PSMD1: variants seen among roughly 807,000 people sequenced by gnomAD.
PSMD1 encodes the protein 26S proteasome non-ATPase regulatory subunit 1.
A neutral mutation model predicts 119.0 loss-of-function variants in PSMD1; 18 were observed. The observed-to-expected ratio is 0.15, with a 90% CI of 0.10 to 0.22. The LOEUF (loss-of-function observed/expected upper bound fraction) is 0.22, where lower values mean the gene tolerates loss of function less well. Among genes scored for constraint, PSMD1 ranks in the 10% least tolerant of loss-of-function variants. The pLI is 1.00. For missense variants in PSMD1, 702 were observed against 1,158.5 expected (o/e 0.61, Z 5.72); for synonymous variants, 374 against 396.6 (o/e 0.94, Z 0.68).
intron 5 of PSMD1, among the ~76,000 whole-genome samples, chr2:231,068,559 G>A (rs1326354294): frequency 6.6e-6 from 1 of 151,998 alleles, no homozygotes; most frequent in African/African-American, 2.4e-5. Context: ...AGAAAATTCC[G>A]GAAATAAACA....
At chr2:231,143,659 T>C (rs1351451773) in intron 17 of PSMD1, among the ~76,000 whole-genome samples, 2 of 152,248 alleles carry the variant, frequency 1.3e-5, no homozygotes, top group Non-Finnish European at 2.9e-5. Context: ...GAGTGGTTTA[T>C]AATAAGGCAT....
At chr2:231,105,200 G>C (rs138798344) in intron 16 of PSMD1, among the ~76,000 whole-genome samples, 1 of 152,108 alleles carries the variant, frequency 6.6e-6, no homozygotes, top group African/African-American at 2.4e-5. Context: ...TGTTCATAAT[G>C]CTTGTAAATA....
chr2:231,072,182 A>C lies in PSMD1; in HGVS notation c.655-7A>C. 2 of 1,599,028 alleles carry C rather than the reference A, an allele frequency of 1.3e-6. No homozygotes were observed. The highest frequency in any genetic ancestry group is 1.7e-6 in the Non-Finnish European group (2 of 1,166,640). On this transcript the variant is annotated splice_polypyrimidine_tract_variant and splice_region_variant and intron_variant, in intron 6 of 24. Transcript: ENST00000308696. ...TATTGAATAATTGTTCTTTATCTCC[A>C]TTTCAGTGCTTAATTTTCTTAGATG...
chr2:231,136,390 A>C (rs1695965791), intron 16 of PSMD1, among the ~76,000 whole-genome samples: 1 of 152,244 alleles, frequency 6.6e-6, no homozygotes, highest in African/African-American at 2.4e-5. Context: ...GAATTTTTTT[A>C]AAGTATGTAG....
In PSMD1 at chr2:231,170,539, C is replaced by T. The variant is rs113188073; in HGVS notation, c.2716-27C>T. Reference sequence around the variant, plus strand: ...GGAGCACGCTTGAAATATGAGTGTACGCTTCTGCACGCCCCTGTGTTTCCA... The same window carrying T: ...GGAGCACGCTTGAAATATGAGTGTATGCTTCTGCACGCCCCTGTGTTTCCA... On this transcript the variant is annotated intron_variant, in intron 23 of 24. Transcript: ENST00000308696. This position sits in a 1 kb window ranked among gnomAD's most constrained non-coding sequence, Gnocchi z 4.1. 3.2e-5 allele frequency: 50 copies of T among 1,580,838 alleles called. No homozygotes were observed. The African/African-American group carries it at 4.6e-4, about 15-fold the overall frequency.
rs376766150 is a variant in PSMD1, at chr2:231,104,333, C to T, written c.1883+17152C>T. On this transcript the variant is annotated intron_variant, in intron 16 of 24. Transcript: ENST00000308696. ...TTCAGCAGCAGATGTCTCCCGTGAG[C>T]TGCTTAGGTTTTGCTGAGTTTTCCA... Among the ~76,000 whole-genome samples, 134 of 152,082 alleles carry T rather than the reference C, an allele frequency of 8.8e-4. 1 individual carries two copies. Among genetic ancestry groups the T allele is most frequent in the African/African-American group, 3.0e-3 (124 of 41,532 alleles).
rs752077601 is a variant in PSMD1, at chr2:231,067,086, T to C, written c.485T>C (p.Val162Ala). ...GIALETRRLD[V>A]FEKTILESND... ...GCTCTGGAGACACGAAGACTGGACG[T>C]CTTTGAAAAGACCATACTGGAGTCG... The change falls in exon 5 of 25, where the codon GTC (valine) becomes GCC (alanine). Residue 162 changes from valine to alanine, a missense_variant. Val to Ala is a moderately conservative substitution (Grantham distance 64, BLOSUM62 0). Around this residue, in one of 9 missense-constraint regions of PSMD1, gnomAD observed 58 missense variants for 54.0 expected, o/e 1.07. Coordinates refer to ENST00000308696, the MANE Select transcript of PSMD1 (RefSeq NM_002807.4). 133 of 1,607,166 alleles carry C rather than the reference T, an allele frequency of 8.3e-5. No homozygotes were observed. Among genetic ancestry groups the C allele is most frequent in the Non-Finnish European group, 1.1e-4 (125 of 1,178,462 alleles).
At chr2:231,157,145 A>G (rs1696524431) in intron 19 of PSMD1, among the ~76,000 whole-genome samples, 2 of 152,120 alleles carry the variant, frequency 1.3e-5, no homozygotes. Flanking sequence ...TCACTTGTTC[A>G]CCACTACCAC....
intron 15 of PSMD1, among the ~76,000 whole-genome samples, chr2:231,085,550 G>GA (rs927621433): frequency 2.0e-5 from 3 of 152,192 alleles, no homozygotes; most frequent in Non-Finnish European, 2.9e-5. Flanking sequence ...AGCTACTCTG[G>GA]AAAGTGAAGT....
chr2:231,154,644 C>G (rs1441895337), intron 19 of PSMD1, among the ~76,000 whole-genome samples: 4 of 152,052 alleles, frequency 2.6e-5, no homozygotes, highest in Non-Finnish European at 5.9e-5. Flanking sequence ...ATTGTTTAAA[C>G]TTCTTGTAGA....
rs372863506 is a variant in PSMD1 at position 231,079,524 on chromosome 2, C to G, written c.1161-12C>G. ...TTTAACACTAATTAAAATACATCAT[C>G]TTTTTTTACAGAGATAATTTGGAAT... On this transcript the variant is annotated splice_polypyrimidine_tract_variant and intron_variant, in intron 10 of 24. Transcript: ENST00000308696. 8.2e-5 allele frequency: 128 copies of G among 1,567,736 alleles called. No individual in the cohort carries two copies. Among genetic ancestry groups the G allele is most frequent in the Non-Finnish European group, 1.0e-4 (117 of 1,147,016 alleles).
chr2:231,146,417 T>C (rs909707817), intron 18 of PSMD1, 61 bp downstream of exon 18: 30 of 1,335,218 alleles, frequency 2.2e-5, no homozygotes, highest in Middle Eastern at 3.6e-4. Context: ...TAGTAACTTA[T>C]CGTCTTTTGA....
At position 231,077,085 on chromosome 2, in the gene PSMD1, G is replaced by A; in HGVS notation, c.994G>A (p.Glu332Lys). ...TLKMIKILSG[E>K]MAIELHLQFL... Reference sequence around the variant, plus strand: ...GAAAATGATTAAAATTTTAAGTGGTGAAATGGCTATTGAGTTACATCTGCA... The same window carrying A: ...GAAAATGATTAAAATTTTAAGTGGTAAAATGGCTATTGAGTTACATCTGCA... The change falls in exon 9 of 25, where the codon GAA becomes AAA. Residue 332 changes from glutamate to lysine, a missense_variant. Transcript: ENST00000308696. The A allele has an allele frequency of 6.2e-7, 1 of 1,606,154 alleles. No individual in the cohort carries two copies. The highest frequency in any genetic ancestry group is 1.7e-4 in the Middle Eastern group (1 of 5,920).
chr2:231,161,235 C>CT, intron 19 of PSMD1, 105 bp from the exon 20 acceptor site: 7 of 1,107,008 alleles, frequency 6.3e-6, no homozygotes, highest in South Asian at 1.6e-5. Flanking sequence ...GACCCTATCT[C>CT]TTTAAAAAAA....
At chr2:231,128,583 C>G (rs1348736029) in intron 16 of PSMD1, among the ~76,000 whole-genome samples, 1 of 152,204 alleles carries the variant, frequency 6.6e-6, no homozygotes, top group Non-Finnish European at 1.5e-5. Context: ...AAATGTCTTT[C>G]TTTTCATCCA....
At chr2:231,105,084 T>C (rs1694946933) in intron 16 of PSMD1, among the ~76,000 whole-genome samples, 1 of 152,178 alleles carries the variant, frequency 6.6e-6, no homozygotes, top group African/African-American at 2.4e-5. Flanking sequence ...TAAGATAAAA[T>C]TGTCTTTGTG....
chr2:231,104,805 T>C (rs903546169), intron 16 of PSMD1, among the ~76,000 whole-genome samples: 4 of 152,160 alleles, frequency 2.6e-5, no homozygotes, highest in African/African-American at 9.6e-5. Flanking sequence ...TAATTTTCCT[T>C]ATTAACTTTA....
At chr2:231,095,699 G>C (rs1200007977) in intron 16 of PSMD1, among the ~76,000 whole-genome samples, 1 of 152,180 alleles carries the variant, frequency 6.6e-6, no homozygotes, top group Non-Finnish European at 1.5e-5. Context: ...TCTGCAAGGG[G>C]AATAGTATAA....
At position 231,170,429 on chromosome 2, in the gene PSMD1, C is replaced by T. The variant is rs1286524664; in HGVS notation, c.2716-137C>T. 3 of 875,028 alleles carry T rather than the reference C, an allele frequency of 3.4e-6. No individual in the cohort carries two copies. Among genetic ancestry groups the T allele is most frequent in the Non-Finnish European group, 5.0e-6 (3 of 604,188 alleles). 54.2% of individuals were successfully genotyped at this position (875,028 alleles called of 1,614,324 possible). A position where few individuals can be genotyped will look rare whatever the true frequency, so the allele number is the denominator to read the frequency against. On this transcript the variant is annotated intron_variant, in intron 23 of 24. Coordinates refer to ENST00000308696, the MANE Select transcript of PSMD1 (RefSeq NM_002807.4). This position sits in a 1 kb window ranked among gnomAD's most constrained non-coding sequence, Gnocchi z 4.1. ...GTATAGATCACAGTTATCTTTATCC[C>T]AGTAAAGTTCTACTCCAGTTTTTCA... is the stretch of plus-strand genomic sequence containing the variant.
Sources: allele counts gnomAD v4.1 joint callset (sites outside exome capture counted in the v4.1 genomes callset), GRCh38; gene constraint gnomAD v4.1.1; regional missense constraint gnomAD v4.1.1; non-coding constraint Gnocchi (gnomAD v3.1); transcripts MANE v1.5; gene names NCBI Gene and HGNC (gene_info 2026-07-23, HGNC 2026-07-21).